Variants in RTTN observed in about 807,000 individuals in gnomAD.
RTTN encodes rotatin.
A neutral mutation model predicts 269.2 loss-of-function variants in RTTN; 182 were observed. That is an observed-to-expected ratio of 0.68 (90% CI 0.60 to 0.76). The LOEUF (loss-of-function observed/expected upper bound fraction) is 0.76. Among genes scored for constraint, RTTN ranks in the 30% least tolerant of loss-of-function variants. RTTN has a pLI of 0.00. For missense variants in RTTN, 2,545 were observed against 2,608.6 expected, an observed-to-expected ratio of 0.98 and a Z score of 0.53; for synonymous variants, 1,006 against 963.5, an observed-to-expected ratio of 1.04 and a Z score of -0.82.
chr18:70,004,617 T>G (rs1906955607), intron 48 of RTTN, among the ~76,000 whole-genome samples: 1 of 146,450 alleles, frequency 6.8e-6, no homozygotes, highest in Non-Finnish European at 1.5e-5. Context: ...CTCCCCTGCT[T>G]AAAAAAAAAA....
chr18:70,196,382 T>C lies in RTTN; in HGVS notation c.841+119A>G. On this transcript the variant is annotated intron_variant, in intron 7 of 48. Coordinates refer to ENST00000640769, the MANE Select transcript of RTTN (RefSeq NM_173630.4). ...ATAATCATTTGAATACATTTAGGAG[T>C]GGGGAGTTTATGTTGTGAAAATGCG... The C allele has an allele frequency of 5.4e-6, 4 of 744,006 alleles. No homozygotes were observed. The South Asian group carries it at 7.3e-5, about 14-fold the overall frequency. 46.1% of individuals were successfully genotyped at this position (744,006 alleles called of 1,614,324 possible). A position where few individuals can be genotyped will look rare whatever the true frequency, so the allele number is the denominator to read the frequency against.
chr18:70,179,194 TACAA>T (rs2061366453), intron 10 of RTTN, among the ~76,000 whole-genome samples: 1 of 152,132 alleles, frequency 6.6e-6, no homozygotes, highest in Non-Finnish European at 1.5e-5. Context: ...AACGCCCTCA[TACAA>T]ACAACTACTG....
In RTTN at chr18:70,057,953, T is replaced by C. The variant is rs150018960; in HGVS notation, c.4941-121A>G. The C allele has an allele frequency of 1.0e-3, 600 of 588,490 alleles. 3 individuals are homozygous for C. Among genetic ancestry groups the C allele is most frequent in the African/African-American group, 9.8e-3 (521 of 52,974 alleles). The allele number at this position is 588,490 out of a possible 1,614,324, so 36.5% of individuals were successfully genotyped here. A position where few individuals can be genotyped will look rare whatever the true frequency, so the allele number is the denominator to read the frequency against. On this transcript the variant is annotated intron_variant, in intron 36 of 48. Transcript: ENST00000640769. ...TACAATTCAAGAGAAAGGATCTTTA[T>C]AAGCAAAGAAAATGTTTATAAAAAG...
At chr18:70,058,856 C>T (rs145237327) in intron 36 of RTTN, among the ~76,000 whole-genome samples, 1 of 152,254 alleles carries the variant, frequency 6.6e-6, no homozygotes, top group Non-Finnish European at 1.5e-5. Context: ...GCGTATCATA[C>T]ATGTTAAAGG....
intron 44 of RTTN, among the ~76,000 whole-genome samples, chr18:70,023,815 C>T (rs2056774742): frequency 6.6e-6 from 1 of 152,206 alleles, no homozygotes; most frequent in Non-Finnish European, 1.5e-5. Flanking sequence ...CAGAGTCTCA[C>T]TCTGTTGCCC....
intron 2 of RTTN, 131 bp from the exon 3 acceptor site, chr18:70,204,394 GC>G (rs2062026462): frequency 1.2e-6 from 1 of 811,782 alleles, no homozygotes; most frequent in East Asian, 2.7e-5. Flanking sequence ...TCATGGCTCT[GC>G]CCCGAAGTAA....
chr18:70,161,587 T>C (rs990279841), intron 14 of RTTN, among the ~76,000 whole-genome samples: 8 of 152,278 alleles, frequency 5.3e-5, no homozygotes, highest in African/African-American at 1.9e-4. Flanking sequence ...GAGAAAATAT[T>C]TGCAAACTAT....
intron 40 of RTTN, among the ~76,000 whole-genome samples, chr18:70,039,324 A>C (rs2144699332): frequency 6.6e-6 from 1 of 152,276 alleles, no homozygotes; most frequent in Non-Finnish European, 1.5e-5. Flanking sequence ...AGAGAAAAGA[A>C]ACAACATACA....
At chr18:70,156,938 G>C (rs143381850) in intron 14 of RTTN, among the ~76,000 whole-genome samples, 2 of 152,182 alleles carry the variant, frequency 1.3e-5, no homozygotes, top group African/African-American at 4.8e-5. Context: ...CCTCTCAAAG[G>C]GTCCTGTCTG....
intron 28 of RTTN, among the ~76,000 whole-genome samples, chr18:70,096,496 T>C (rs1325248971): frequency 6.6e-6 from 1 of 152,226 alleles, no homozygotes; most frequent in Non-Finnish European, 1.5e-5. Flanking sequence ...GTGGAAGTCC[T>C]TTTTGTTGGT....
chr18:70,188,147 T>C lies in RTTN; in HGVS notation c.1266A>G (p.Thr422=). 6.2e-7 allele frequency: 1 copy of C among 1,611,078 alleles called. No individual in the cohort carries two copies. Among genetic ancestry groups the C allele is most frequent in the Non-Finnish European group, 8.5e-7 (1 of 1,177,442 alleles). Residue 422 remains threonine, a synonymous_variant, in exon 10 of 49, where the codon ACA becomes ACG. Transcript: ENST00000640769. ...AAAGGCTGCTGTCATCCCAGATATC[T>C]GTTGAAATTGCTTCACCAATAAGTG... ...DMTLIGEAIS[T]DIWDDSSLFG... is the part of the protein sequence containing the mutation.
At chr18:70,113,002 G>T (rs1259624222) in intron 27 of RTTN, among the ~76,000 whole-genome samples, 1 of 152,128 alleles carries the variant, frequency 6.6e-6, no homozygotes, top group Non-Finnish European at 1.5e-5. Flanking sequence ...TGGAACTCAG[G>T]ATTAAGAAAC....
chr18:70,024,691 ATTATT>A (rs1030596396), intron 44 of RTTN, 26 bp downstream of exon 44: 1 of 1,571,364 alleles, frequency 6.4e-7, no homozygotes, highest in Admixed American at 1.7e-5. Flanking sequence ...ATTTTGGTAT[ATTATT>A]GAAAGGCAGT....
At chr18:70,139,953 G>A (rs1450556662) in intron 20 of RTTN, 147 bp downstream of exon 20, 11 of 666,354 alleles carry the variant, frequency 1.7e-5, no homozygotes, top group South Asian at 5.7e-5. Context: ...TCCACTTTTC[G>A]AATTTAAAAA....
At position 70,201,919 on chromosome 18, in the gene RTTN, C is replaced by G; in HGVS notation, c.462G>C (p.Gln154His). The G allele has an allele frequency of 1.2e-6, 2 of 1,612,086 alleles. No individual in the cohort carries two copies. Among genetic ancestry groups the G allele is most frequent in the Non-Finnish European group, 1.7e-6 (2 of 1,178,368 alleles). ...CCACTGGTCGTGGCGGCACTTCCAT[C>G]TGCTGGAAATTACTTTTGTCTTGGG... ...YFPQDKSNFQ[Q>H]MEVPPRPVVN... The change falls in exon 4 of 49, where the codon CAG becomes CAC. Residue 154 changes from glutamine (Q) to histidine (H), a missense_variant. Physicochemically the swap from Gln to His is conservative, Grantham distance 24. Transcript: ENST00000640769.
chr18:70,057,817 G>A lies in RTTN; in HGVS notation c.4956C>T (p.Thr1652=), dbSNP rs1414284785. 1.9e-6 allele frequency: 3 copies of A among 1,613,126 alleles called. No individual in the cohort carries two copies. Among genetic ancestry groups the A allele is most frequent in the Non-Finnish European group, 2.5e-6 (3 of 1,179,358 alleles). Residue 1652 remains threonine (T), a synonymous_variant, in exon 37 of 49, where the codon ACC becomes ACT. Transcript: ENST00000640769. ...GTTCCTGGACACATGTCTGTATGAGGGTAGCATCTGCAATGCTGTGACGAT... is the reference window on the plus strand; with the variant it reads ...GTTCCTGGACACATGTCTGTATGAGAGTAGCATCTGCAATGCTGTGACGAT... ...IELLCSIADA[T]LIQTCVQELR...
At chr18:70,156,665 T>C (rs972890049) in intron 14 of RTTN, among the ~76,000 whole-genome samples, 2 of 152,152 alleles carry the variant, frequency 1.3e-5, no homozygotes, top group African/African-American at 4.8e-5. Context: ...CGACATGTGA[T>C]GTCTCCCCCG....
At chr18:70,153,371 C>G (rs938437065) in intron 14 of RTTN, among the ~76,000 whole-genome samples, 1 of 152,062 alleles carries the variant, frequency 6.6e-6, no homozygotes, top group African/African-American at 2.4e-5. Flanking sequence ...ACATCTCTCT[C>G]TGTCCCCTAT....
At chr18:70,066,555 G>A (rs2058141113) in intron 34 of RTTN, among the ~76,000 whole-genome samples, 1 of 152,122 alleles carries the variant, frequency 6.6e-6, no homozygotes. Flanking sequence ...GCGCTAAGAG[G>A]TGTTCAACTA....
Sources: allele counts gnomAD v4.1 joint callset (sites outside exome capture counted in the v4.1 genomes callset), GRCh38; gene constraint gnomAD v4.1.1; transcripts MANE v1.5; gene names NCBI Gene and HGNC (gene_info 2026-07-23, HGNC 2026-07-21).